Variants in ZSWIM5 observed in about 807,000 individuals in gnomAD.
ZSWIM5 encodes the protein zinc finger SWIM domain-containing protein 5.
ZSWIM5 carries 55 observed loss-of-function variants against 119.6 expected under a neutral mutation model. The ratio of observed to expected loss-of-function variants is 0.46; its 90% CI spans 0.37 to 0.58. The LOEUF (loss-of-function observed/expected upper bound fraction) is 0.58. ZSWIM5 is among the 20% of genes least tolerant of loss of function. The pLI is 0.00. For missense variants in ZSWIM5, 1,193 were observed against 1,512.8 expected (o/e 0.79, Z 3.51); for synonymous variants, 537 against 606.9 (o/e 0.88, Z 1.69).
chr1:45,174,570 TAA>T (rs36017471), intron 1 of ZSWIM5, among the ~76,000 whole-genome samples: 15 of 116,344 alleles, frequency 1.3e-4, no homozygotes, highest in Middle Eastern at 4.6e-3. Flanking sequence ...CCAACTCTAC[TAA>T]AAAAAAAAAA....
At chr1:45,058,800 C>G in intron 3 of ZSWIM5, 41 bp from the exon 4 acceptor site, 1 of 1,607,858 alleles carries the variant, frequency 6.2e-7, no homozygotes. Context: ...GATTGTGTAT[C>G]ACAAAAAAGT....
At chr1:45,138,839 T>C (rs890646788) in intron 1 of ZSWIM5, among the ~76,000 whole-genome samples, 7 of 152,038 alleles carry the variant, frequency 4.6e-5, no homozygotes, top group African/African-American at 1.7e-4. Flanking sequence ...CAAGGACTTA[T>C]GAAAAGCTGA....
intron 2 of ZSWIM5, among the ~76,000 whole-genome samples, chr1:45,077,917 C>G (rs1645265206): frequency 6.6e-6 from 1 of 152,232 alleles, no homozygotes; most frequent in African/African-American, 2.4e-5. Flanking sequence ...AAGGTTATCT[C>G]TCTTATTCCC....
chr1:45,157,899 T>G (rs1319781804), intron 1 of ZSWIM5, among the ~76,000 whole-genome samples: 1 of 152,214 alleles, frequency 6.6e-6, no homozygotes, highest in African/African-American at 2.4e-5. Context: ...GGTTTTAATT[T>G]ACATTTCCCT....
intron 11 of ZSWIM5, among the ~76,000 whole-genome samples, chr1:45,023,951 C>CTG: frequency 6.6e-6 from 1 of 152,188 alleles, no homozygotes; most frequent in South Asian, 2.1e-4. Flanking sequence ...TTGTAATTCC[C>CTG]TAATGACATA....
intron 4 of ZSWIM5, among the ~76,000 whole-genome samples, chr1:45,056,567 C>T (rs144248771): frequency 2.7e-5 from 4 of 150,334 alleles, no homozygotes; most frequent in East Asian, 2.0e-4. Flanking sequence ...GCCAAGACTG[C>T]GCCACTGCAC....
chr1:45,130,512 G>T (rs1645649765), intron 1 of ZSWIM5, among the ~76,000 whole-genome samples: 1 of 151,794 alleles, frequency 6.6e-6, no homozygotes, highest in South Asian at 2.1e-4. Context: ...GGCCACTAGG[G>T]AAAAACAAAT....
At chr1:45,077,290 G>A (rs1049040915) in intron 2 of ZSWIM5, among the ~76,000 whole-genome samples, 12 of 152,072 alleles carry the variant, frequency 7.9e-5, no homozygotes, top group Non-Finnish European at 1.2e-4. Flanking sequence ...TTTCCTAAGC[G>A]TCGGCTGGCT....
At position 45,018,307 on chromosome 1, in the gene ZSWIM5, C is replaced by T; in HGVS notation, c.*147G>A. 1.0e-6 allele frequency: 1 copy of T among 1,001,120 alleles called. No homozygotes were observed. Among genetic ancestry groups the T allele is most frequent in the Non-Finnish European group, 1.4e-6 (1 of 694,770 alleles). The allele number at this position is 1,001,120 out of a possible 1,614,324, so 62.0% of individuals were successfully genotyped here. ...GTAGGCATTATCGACTAGAGCTGGA[C>T]TTTCCCCATCCTTAGCCCTGTGGTC... On this transcript the variant is annotated 3_prime_UTR_variant, in exon 14 of 14. Transcript: ENST00000359600. The surrounding 1 kb of genome is among the most constrained non-coding windows in gnomAD (Gnocchi z 6.7).
intron 1 of ZSWIM5, 45 bp downstream of exon 1, chr1:45,205,711 G>C: frequency 6.8e-7 from 1 of 1,477,514 alleles, no homozygotes; most frequent in Non-Finnish European, 9.0e-7. Context: ...AGGCACCCGC[G>C]GAAGAGGAGG....
In ZSWIM5 at chr1:45,170,452, T is replaced by G. The variant is rs1327151320; in HGVS notation, c.595+35304A>C. ...TTTTTTTTTTTTTTTTGAGACAGGGTCTTGCTCTGTCACCCCAGGTGGAGT... is the reference window on the plus strand; with the variant it reads ...TTTTTTTTTTTTTTTTGAGACAGGGGCTTGCTCTGTCACCCCAGGTGGAGT... On this transcript the variant is annotated intron_variant, in intron 1 of 13. Coordinates refer to ENST00000359600, the MANE Select transcript of ZSWIM5 (RefSeq NM_020883.2). Among the ~76,000 whole-genome samples the G allele has an allele frequency of 1.3e-5, 2 of 148,890 alleles. 1 individual carries two copies. The highest frequency in any genetic ancestry group is 3.0e-5 in the Non-Finnish European group (2 of 67,342).
At chr1:45,121,368 C>G (rs1372964645) in intron 1 of ZSWIM5, among the ~76,000 whole-genome samples, 1 of 152,182 alleles carries the variant, frequency 6.6e-6, no homozygotes, top group Non-Finnish European at 1.5e-5. Flanking sequence ...CTCTGCCTAT[C>G]ACTTTAATGT....
Position 45,026,476 on chromosome 1 carries a change from T to C in ZSWIM5, c.2450-5688A>G, listed in dbSNP as rs1231282681. ...CCTGCATTTACTGATGAATGACTTT[T>C]CTTCTTTGCCTGTGGAAAGAATAAA... On this transcript the variant is annotated intron_variant, in intron 11 of 13. Transcript: ENST00000359600. Among the ~76,000 whole-genome samples, 5 of 152,332 alleles carry C rather than the reference T, an allele frequency of 3.3e-5. No individual in the cohort carries two copies. The East Asian group carries it at 9.6e-4, about 29-fold the overall frequency.
At chr1:45,113,996 C>G (rs1417852795) in intron 1 of ZSWIM5, among the ~76,000 whole-genome samples, 2 of 152,194 alleles carry the variant, frequency 1.3e-5, no homozygotes, top group Non-Finnish European at 2.9e-5. Context: ...ATTTTAGAAA[C>G]TATCTGTTCA....
At chr1:45,128,007 T>C (rs905597542) in intron 1 of ZSWIM5, among the ~76,000 whole-genome samples, 1 of 152,136 alleles carries the variant, frequency 6.6e-6, no homozygotes. Context: ...TGAAGAGACA[T>C]TCCATGTTCA....
intron 1 of ZSWIM5, among the ~76,000 whole-genome samples, chr1:45,124,458 T>G (rs188438367): frequency 7.5e-4 from 114 of 152,036 alleles, no homozygotes; most frequent in African/African-American, 2.5e-3. Context: ...ATATAAAAAC[T>G]GTAAAAAGAG....
chr1:45,175,550 A>G (rs572720836), intron 1 of ZSWIM5, among the ~76,000 whole-genome samples: 111 of 152,080 alleles, frequency 7.3e-4, no homozygotes, highest in African/African-American at 2.6e-3. Context: ...TCTGGGCCCA[A>G]GCGATCCTCC....
chr1:45,068,064 GTTA>G (rs1337516891), intron 2 of ZSWIM5, among the ~76,000 whole-genome samples: 1 of 147,000 alleles, frequency 6.8e-6, no homozygotes, highest in Non-Finnish European at 1.5e-5. Context: ...TCCTGAGGGG[GTTA>G]TTAAGTCTAA....
chr1:45,195,670 A>G (rs1027938790), intron 1 of ZSWIM5, among the ~76,000 whole-genome samples: 6 of 152,198 alleles, frequency 3.9e-5, no homozygotes, highest in African/African-American at 1.2e-4. Context: ...AGGCCTCTCC[A>G]AAATACAGAG....
Sources: gnomAD v4.1 joint callset for allele counts (sites outside exome capture counted in the v4.1 genomes callset) on GRCh38, gnomAD v4.1.1 for gene constraint, Gnocchi (gnomAD v3.1) non-coding constraint, MANE v1.5 for transcripts, NCBI Gene and HGNC (gene_info 2026-07-23, HGNC 2026-07-21) for gene names.